Variants in SEPTIN9 observed in about 807,000 individuals in gnomAD.
SEPTIN9 encodes the protein septin-9.
SEPTIN9 carries 13 observed loss-of-function variants against 56.6 expected under a neutral mutation model. The ratio of observed to expected loss-of-function variants is 0.23; its 90% CI spans 0.15 to 0.37. SEPTIN9 has a LOEUF of 0.37. Among genes scored for constraint, SEPTIN9 ranks in the 10% least tolerant of loss-of-function variants. The pLI is 1.00. For synonymous variants in SEPTIN9, 332 were observed against 334.1 expected (o/e 0.99, Z 0.07); for missense variants, 650 against 823.1 (o/e 0.79, Z 2.57).
At chr17:77,439,995 G>A in intron 3 of SEPTIN9, among the ~76,000 whole-genome samples, 1 of 152,144 alleles carries the variant, frequency 6.6e-6, no homozygotes, top group East Asian at 1.9e-4. Context: ...GGCACCCCAG[G>A]TCCCCTGATG....
At position 77,327,186 on chromosome 17, in the gene SEPTIN9, A is replaced by AC. The variant is rs1461796138; in HGVS notation, c.76+19993dup. Among the ~76,000 whole-genome samples the AC allele has an allele frequency of 6.6e-6, 1 of 150,526 alleles. No individual in the cohort carries two copies. Among genetic ancestry groups the AC allele is most frequent in the African/African-American group, 2.4e-5 (1 of 40,846 alleles). Reference sequence around the variant, plus strand: ...TGCCTCCCTCTCCTGGGCTCCTGGGACCCCTCCGGCCCCACCACCCCTCCT... The same window carrying AC: ...TGCCTCCCTCTCCTGGGCTCCTGGGACCCCCTCCGGCCCCACCACCCCTCCT... On this transcript the variant is annotated intron_variant, in intron 2 of 11. Coordinates refer to ENST00000427177, the MANE Select transcript of SEPTIN9 (RefSeq NM_001113491.2). This position sits in a 1 kb window ranked among gnomAD's most constrained non-coding sequence, Gnocchi z 5.0.
rs563467470 is a variant in SEPTIN9 at position 77,390,742 on chromosome 17, C to T, written c.77-11317C>T. On this transcript the variant is annotated intron_variant, in intron 2 of 11. Coordinates refer to ENST00000427177, the MANE Select transcript of SEPTIN9 (RefSeq NM_001113491.2). ...CTGGGATTACAGGCGTGAGCCGCCG[C>T]GCCCGGCCACACGTTTCTGTTCTTG... Among the ~76,000 whole-genome samples the T allele has an allele frequency of 3.9e-5, 6 of 152,304 alleles. No individual in the cohort carries two copies. The East Asian group carries it at 9.7e-4, about 25-fold the overall frequency.
chr17:77,331,121 G>A (rs566132482), intron 2 of SEPTIN9, among the ~76,000 whole-genome samples: 7 of 152,354 alleles, frequency 4.6e-5, no homozygotes, highest in African/African-American at 1.4e-4. Flanking sequence ...TTGGGAGGCC[G>A]AGGCAGGAGA....
Position 77,476,471 on chromosome 17 carries a change from CCAGAGGGTGCTGG to C in SEPTIN9, c.722-5671_722-5659del, listed in dbSNP as rs1425533224. The stretch of plus-strand genomic sequence containing the variant: ...AATTTGTCACTAAGTGCAGATGTTC[CCAGAGGGTGCTGG>C]CTCAGGGCTGCGTGGATTACAGCCC... On this transcript the variant is annotated intron_variant, in intron 3 of 11. Coordinates refer to ENST00000427177, the MANE Select transcript of SEPTIN9 (RefSeq NM_001113491.2). This position sits in a 1 kb window ranked among gnomAD's most constrained non-coding sequence, Gnocchi z 6.0. Among the ~76,000 whole-genome samples the C allele has an allele frequency of 1.3e-5, 2 of 152,192 alleles. No homozygotes were observed. The highest frequency in any genetic ancestry group is 4.8e-5 in the African/African-American group (2 of 41,434).
rs1051667447 is a variant in SEPTIN9 at position 77,498,766 on chromosome 17, G to A, written c.*108G>A. 18 of 683,558 alleles carry A rather than the reference G, an allele frequency of 2.6e-5. No individual in the cohort carries two copies. Among genetic ancestry groups the A allele is most frequent in the South Asian group, 4.8e-5 (3 of 63,132 alleles). 42.3% of individuals were successfully genotyped at this position (683,558 alleles called of 1,614,324 possible). On this transcript the variant is annotated 3_prime_UTR_variant, in exon 12 of 12. Transcript: ENST00000427177. ...TATATGATTTTCTCCATTTGTCATC[G>A]TTCCCCACCCCTTCGACATGCTGCC... is the stretch of plus-strand genomic sequence containing the variant.
At chr17:77,471,261 C>T (rs1403940918) in intron 3 of SEPTIN9, among the ~76,000 whole-genome samples, 3 of 152,200 alleles carry the variant, frequency 2.0e-5, no homozygotes, top group Non-Finnish European at 2.9e-5. Context: ...GGAATGTGCC[C>T]CTCCCTGCCT....
chr17:77,286,530 C>G (rs2031288314), intron 1 of SEPTIN9: 1 of 152,260 alleles, frequency 6.6e-6, no homozygotes, highest in African/African-American at 2.4e-5. Context: ...GCTTGGAGAT[C>G]CCAGGTGGGT....
intron 2 of SEPTIN9, among the ~76,000 whole-genome samples, chr17:77,397,631 T>G (rs2035763900): frequency 6.6e-6 from 1 of 152,152 alleles, no homozygotes; most frequent in Non-Finnish European, 1.5e-5. Flanking sequence ...TCAGGGCTTG[T>G]GCCTATCCTG....
chr17:77,454,502 T>A, intron 3 of SEPTIN9: 1 of 420,518 alleles, frequency 2.4e-6, no homozygotes, highest in Non-Finnish European at 3.2e-6. Flanking sequence ...CGGGTCTAAT[T>A]ACAGGCCCAT....
chr17:77,411,546 T>C (rs2036299876), intron 3 of SEPTIN9, among the ~76,000 whole-genome samples: 1 of 151,956 alleles, frequency 6.6e-6, no homozygotes, highest in Non-Finnish European at 1.5e-5. Context: ...AAATCACAGG[T>C]GCTTGCCACC....
At position 77,400,537 on chromosome 17, in the gene SEPTIN9, G is replaced by A. The variant is rs1004171127; in HGVS notation, c.77-1522G>A. 2.0e-5 allele frequency: 3 copies of A among 152,204 alleles called. No homozygotes were observed. The highest frequency in any genetic ancestry group is 2.9e-5 in the Non-Finnish European group (2 of 68,066). 9.4% of individuals were successfully genotyped at this position (152,204 alleles called of 1,614,324 possible). A position where few individuals can be genotyped will look rare whatever the true frequency, so the allele number is the denominator to read the frequency against. ...CTGAGGCGGCCAGGGTTAGGGGGTT[G>A]GGCTTCCTCTTCCCCTCCCCAGTGC... On this transcript the variant is annotated intron_variant, in intron 2 of 11. Transcript: ENST00000427177. The surrounding 1 kb of genome is among the most constrained non-coding windows in gnomAD (Gnocchi z 4.1).
At chr17:77,292,773 C>T (rs2031625387) in intron 1 of SEPTIN9, among the ~76,000 whole-genome samples, 1 of 152,066 alleles carries the variant, frequency 6.6e-6, no homozygotes, top group Non-Finnish European at 1.5e-5. Context: ...AGATTACGGG[C>T]ATGAGCCACC....
chr17:77,467,160 G>A (rs113543645), intron 3 of SEPTIN9, among the ~76,000 whole-genome samples: 245 of 152,344 alleles, frequency 1.6e-3, no homozygotes, highest in African/African-American at 5.4e-3. Flanking sequence ...TCCTTGGGCC[G>A]CGAGACGTCT....
intron 3 of SEPTIN9, chr17:77,472,432 T>C (rs1347741374): frequency 6.6e-6 from 1 of 152,066 alleles, no homozygotes; most frequent in Non-Finnish European, 1.5e-5. Flanking sequence ...CCTGAATGAA[T>C]GAAAGAGGAG....
intron 2 of SEPTIN9, among the ~76,000 whole-genome samples, chr17:77,340,968 G>T (rs1184012790): frequency 2.0e-5 from 3 of 152,182 alleles, no homozygotes; most frequent in Non-Finnish European, 4.4e-5. Flanking sequence ...TTAGGGCTTT[G>T]CCCTGGATTA....
intron 2 of SEPTIN9, among the ~76,000 whole-genome samples, chr17:77,321,609 C>T (rs530990776): frequency 2.0e-5 from 3 of 152,204 alleles, no homozygotes; most frequent in Non-Finnish European, 2.9e-5. Context: ...AGGATGGTCT[C>T]GATCTCCTGA....
chr17:77,287,302 C>G (rs2143492743), intron 1 of SEPTIN9, among the ~76,000 whole-genome samples: 1 of 152,344 alleles, frequency 6.6e-6, no homozygotes, highest in African/African-American at 2.4e-5. Context: ...GGCCGATGGG[C>G]TGGTCACCCC....
chr17:77,306,392 G>A (rs1189442861), intron 1 of SEPTIN9, among the ~76,000 whole-genome samples: 4 of 152,002 alleles, frequency 2.6e-5, no homozygotes, highest in African/African-American at 7.2e-5. Flanking sequence ...TCCCAGGGCC[G>A]CTCCTCCTGG....
intron 3 of SEPTIN9, among the ~76,000 whole-genome samples, chr17:77,404,652 C>T (rs1289509481): frequency 1.2e-4 from 19 of 152,082 alleles, no homozygotes; most frequent in Admixed American, 1.2e-3. Context: ...GACCAGTGCT[C>T]CTCATGCTTT....
Sources: allele counts gnomAD v4.1 joint callset (sites outside exome capture counted in the v4.1 genomes callset), GRCh38; gene constraint gnomAD v4.1.1; non-coding constraint Gnocchi (gnomAD v3.1); transcripts MANE v1.5; gene names NCBI Gene and HGNC (gene_info 2026-07-23, HGNC 2026-07-21).